Variants in FARP1 observed in about 807,000 individuals in gnomAD.
FARP1 encodes FERM, ARH/RhoGEF and pleckstrin domain protein 1, also known as FERM, ARHGEF and pleckstrin domain-containing protein 1.
FARP1 carries 52 observed loss-of-function variants against 128.8 expected under a neutral mutation model. The observed-to-expected ratio is 0.40, with a 90% CI of 0.32 to 0.51. The LOEUF (loss-of-function observed/expected upper bound fraction) is 0.51. Ranked by LOEUF, FARP1 falls within the 20% of genes least tolerant of loss-of-function variation. The probability of loss-of-function intolerance (pLI) is 0.45; values close to 1 mark genes in which losing one functional copy is unlikely to be tolerated. For synonymous variants in FARP1, 580 were observed against 551.8 expected, an observed-to-expected ratio of 1.05 and a Z score of -0.72; for missense variants, 1,333 against 1,367.9, an observed-to-expected ratio of 0.97 and a Z score of 0.40.
chr13:98,369,836 C>T lies in FARP1; in HGVS notation c.398+1641C>T, dbSNP rs186391197. ...TGTTCAAGCAGTGACTGTTTAATAC[C>T]GAGGCCATCATATCCTTCCTCATCC... On this transcript the variant is annotated intron_variant, in intron 5 of 26. Transcript: ENST00000319562. 5.8e-4 allele frequency among the ~76,000 whole-genome samples: 89 copies of T among 152,228 alleles called. 1 individual carries two copies. Among genetic ancestry groups the T allele is most frequent in the African/African-American group, 1.9e-3 (79 of 41,532 alleles).
At chr13:98,215,805 T>G (rs2139337824) in intron 2 of FARP1, among the ~76,000 whole-genome samples, 1 of 152,212 alleles carries the variant, frequency 6.6e-6, no homozygotes, top group South Asian at 2.1e-4. Context: ...CTCTTTTTTT[T>G]TTTTGAGACG....
chr13:98,162,943 C>T (rs1876988246), intron 1 of FARP1, among the ~76,000 whole-genome samples: 1 of 152,150 alleles, frequency 6.6e-6, no homozygotes, highest in South Asian at 2.1e-4. Context: ...AACAGAACTA[C>T]CATTCAACTG....
At position 98,377,052 on chromosome 13, in the gene FARP1, C is replaced by T. The variant is rs377103438; in HGVS notation, c.399-769C>T. On this transcript the variant is annotated intron_variant, in intron 5 of 26. Coordinates refer to ENST00000319562, the MANE Select transcript of FARP1 (RefSeq NM_005766.4). ...GTGCAGTGGGTCATGCTTGTGATCC[C>T]AGCACTTTGGGAGGCCGAGGTGGGC... Among the ~76,000 whole-genome samples, 14 of 152,074 alleles carry T rather than the reference C, an allele frequency of 9.2e-5. No individual in the cohort carries two copies. The East Asian group carries it at 1.5e-3, about 17-fold the overall frequency.
At chr13:98,411,156 G>A (rs758546809) in intron 15 of FARP1, among the ~76,000 whole-genome samples, 4 of 152,132 alleles carry the variant, frequency 2.6e-5, no homozygotes. Flanking sequence ...TTTTGTTCAC[G>A]GGAGACCTCG....
At chr13:98,367,329 A>G (rs928622669) in intron 4 of FARP1, among the ~76,000 whole-genome samples, 1 of 152,112 alleles carries the variant, frequency 6.6e-6, no homozygotes, top group Non-Finnish European at 1.5e-5. Flanking sequence ...ACTAATTTTT[A>G]GTACAGACAG....
chr13:98,247,347 C>T (rs2139475521), intron 2 of FARP1, among the ~76,000 whole-genome samples: 1 of 152,376 alleles, frequency 6.6e-6, no homozygotes. Flanking sequence ...CAGCCTTCCA[C>T]ACCCCTGGCT....
intron 2 of FARP1, among the ~76,000 whole-genome samples, chr13:98,246,582 T>TTG (rs903716074): frequency 1.3e-5 from 2 of 151,974 alleles, no homozygotes; most frequent in African/African-American, 2.4e-5. Flanking sequence ...TTTGTGAGTG[T>TTG]TGTGTGTGTG....
Position 98,389,991 on chromosome 13 carries a change from C to A in FARP1, c.890C>A (p.Ala297Asp). ...AYQDTLEFLMASRDFCKSFWK... is the reference protein window; with the variant it reads ...AYQDTLEFLMDSRDFCKSFWK... ...CAGGATACCTTGGAATTCCTGATGG[C>A]CAGTCGGGATTTCTGCAAGTCCTTC... Residue 297 changes from alanine to aspartate, a missense_variant, in exon 10 of 27, where the codon GCC (alanine) becomes GAC (aspartate). Physicochemically the swap from Ala to Asp is moderately radical, Grantham distance 126. Transcript: ENST00000319562. 6.2e-7 allele frequency: 1 copy of A among 1,614,146 alleles called. No homozygotes were observed. The highest frequency in any genetic ancestry group is 1.6e-4 in the Middle Eastern group (1 of 6,062).
chr13:98,383,184 T>C (rs1889956839), intron 6 of FARP1, among the ~76,000 whole-genome samples: 2 of 152,192 alleles, frequency 1.3e-5, no homozygotes, highest in South Asian at 4.1e-4. Flanking sequence ...CTGCATTTCC[T>C]TGAGAACCAG....
intron 16 of FARP1, among the ~76,000 whole-genome samples, chr13:98,418,981 C>T (rs1419398220): frequency 6.6e-6 from 1 of 152,138 alleles, no homozygotes; most frequent in Non-Finnish European, 1.5e-5. Flanking sequence ...AATTGACAGA[C>T]TTGAGGGTGG....
At chr13:98,444,364 T>C (rs904972198) in intron 24 of FARP1, among the ~76,000 whole-genome samples, 17 of 151,888 alleles carry the variant, frequency 1.1e-4, no homozygotes, top group African/African-American at 4.1e-4. Context: ...TCTGAGGGAA[T>C]GGGATCCAAG....
At chr13:98,379,189 A>ATAATATATAATCTATATATAAT in intron 6 of FARP1, among the ~76,000 whole-genome samples, 1 of 71,414 alleles carries the variant, frequency 1.4e-5, no homozygotes, top group Non-Finnish European at 2.4e-5. Context: ...TAATATATAT[A>ATAATATATAATCTATATATAAT]ATATATAATA....
In FARP1 at chr13:98,450,412, C is replaced by T. The variant is rs1418096652; in HGVS notation, c.*2095C>T. ...GCTACATACAGAACCAAACCAGCCACTTCACAAGAGCAATGCAGGGATAAA... is the reference window on the plus strand; with the variant it reads ...GCTACATACAGAACCAAACCAGCCATTTCACAAGAGCAATGCAGGGATAAA... On this transcript the variant is annotated 3_prime_UTR_variant, in exon 27 of 27. Transcript: ENST00000319562. 1 of 151,992 alleles carries T rather than the reference C, an allele frequency of 6.6e-6. No individual in the cohort carries two copies. The highest frequency in any genetic ancestry group is 2.4e-5 in the African/African-American group (1 of 41,438). 9.4% of individuals were successfully genotyped at this position (151,992 alleles called of 1,614,324 possible). A position where few individuals can be genotyped will look rare whatever the true frequency, so the allele number is the denominator to read the frequency against.
At chr13:98,155,655 A>G (rs1876454230) in intron 1 of FARP1, among the ~76,000 whole-genome samples, 1 of 152,080 alleles carries the variant, frequency 6.6e-6, no homozygotes, top group South Asian at 2.1e-4. Flanking sequence ...AGTAGCTGAG[A>G]CTACAGGTGT....
chr13:98,284,101 C>T (rs1486728491), intron 2 of FARP1, among the ~76,000 whole-genome samples: 2 of 152,152 alleles, frequency 1.3e-5, no homozygotes, highest in African/African-American at 2.4e-5. Flanking sequence ...GTTTGTCCAA[C>T]GCCCATGGCC....
chr13:98,400,259 G>A (rs1305689754), intron 13 of FARP1: 1 of 152,218 alleles, frequency 6.6e-6, no homozygotes. Context: ...TGCTCTGAAT[G>A]TGCATCAGAA....
At chr13:98,245,644 A>G (rs1229993205) in intron 2 of FARP1, among the ~76,000 whole-genome samples, 1 of 152,266 alleles carries the variant, frequency 6.6e-6, no homozygotes, top group Non-Finnish European at 1.5e-5. Context: ...TTGGGTTAAT[A>G]GAACTATTCT....
chr13:98,332,440 C>T (rs1269046700), intron 2 of FARP1: 1 of 152,156 alleles, frequency 6.6e-6, no homozygotes, highest in Non-Finnish European at 1.5e-5. Flanking sequence ...AGCTGAAGCT[C>T]ACCCCCACCC....
chr13:98,320,019 G>A (rs1242215994), intron 2 of FARP1, among the ~76,000 whole-genome samples: 1 of 152,172 alleles, frequency 6.6e-6, no homozygotes, highest in Non-Finnish European at 1.5e-5. Context: ...ACCCGGGGTG[G>A]AATGTAGCTG....
Sources: gnomAD v4.1 joint callset for allele counts (sites outside exome capture counted in the v4.1 genomes callset) on GRCh38, gnomAD v4.1.1 for gene constraint, MANE v1.5 for transcripts, NCBI Gene and HGNC (gene_info 2026-07-23, HGNC 2026-07-21) for gene names.